Variants in PLAA observed in about 807,000 individuals in gnomAD.
PLAA encodes the protein phospholipase A2 activating protein.
In PLAA, 48 loss-of-function variants were observed where a neutral mutation model predicts 84.1. The ratio of observed to expected loss-of-function variants is 0.57; its 90% confidence interval spans 0.45 to 0.73. The LOEUF (loss-of-function observed/expected upper bound fraction) is 0.73. Among genes scored for constraint, PLAA ranks in the 30% least tolerant of loss-of-function variants. The pLI is 0.00. For missense variants in PLAA, 903 were observed against 954.7 expected, an observed-to-expected ratio of 0.95 and a Z score of 0.71; for synonymous variants, 392 against 336.6, an observed-to-expected ratio of 1.16 and a Z score of -1.80.
intron 6 of PLAA, among the ~76,000 whole-genome samples, chr9:26,923,955 G>A (rs1563912481): frequency 6.6e-6 from 1 of 152,136 alleles, no homozygotes; most frequent in African/African-American, 2.4e-5. Context: ...CCATTCTACA[G>A]GAAACCTGTT....
chr9:26,924,227 C>A (rs1242692654), intron 6 of PLAA, among the ~76,000 whole-genome samples: 1 of 152,050 alleles, frequency 6.6e-6, no homozygotes, highest in Admixed American at 6.6e-5. Flanking sequence ...AATTCCCGGG[C>A]CCAAGCAATC....
chr9:26,946,089 G>T (rs1008308666), intron 1 of PLAA, among the ~76,000 whole-genome samples: 9 of 152,086 alleles, frequency 5.9e-5, no homozygotes, highest in African/African-American at 1.2e-4. Context: ...ATTTATGGAT[G>T]GTGACTCAAA....
rs1278980099 is a variant in PLAA, at chr9:26,904,309, T to C, written c.*1202A>G. ...GAATGTTGCTATTTCTGGCAACGTC[T>C]TTATGAAAAGATCTTTCCCACTTTT... On this transcript the variant is annotated 3_prime_UTR_variant, in exon 14 of 14. Coordinates refer to ENST00000397292, the MANE Select transcript of PLAA (RefSeq NM_001031689.3). The C allele has an allele frequency of 2.0e-5, 3 of 152,168 alleles. No homozygotes were observed. The highest frequency in any genetic ancestry group is 7.2e-5 in the African/African-American group (3 of 41,462). The allele number at this position is 152,168 out of a possible 1,614,324, so 9.4% of individuals were successfully genotyped here. A position where few individuals can be genotyped will look rare whatever the true frequency, so the allele number is the denominator to read the frequency against.
At chr9:26,915,756 G>A (rs1824530472) in intron 10 of PLAA, 2 of 985,086 alleles carry the variant, frequency 2.0e-6, no homozygotes, top group Non-Finnish European at 2.4e-6. Context: ...CTGACATTAT[G>A]GAACAGTGAG....
At chr9:26,913,015 G>C (rs941989133) in intron 11 of PLAA, among the ~76,000 whole-genome samples, 1 of 152,100 alleles carries the variant, frequency 6.6e-6, no homozygotes, top group South Asian at 2.1e-4. Context: ...GTGAGCCCAG[G>C]AGTTTGAGCC....
chr9:26,921,284 A>G (rs1173251265), intron 7 of PLAA, among the ~76,000 whole-genome samples: 1 of 152,202 alleles, frequency 6.6e-6, no homozygotes, highest in African/African-American at 2.4e-5. Context: ...GGAGACAGCT[A>G]TCCATCCTCC....
At chr9:26,923,381 T>C (rs1278921258) in intron 6 of PLAA, 34 bp from the exon 7 acceptor site, 24 of 1,462,174 alleles carry the variant, frequency 1.6e-5, no homozygotes, top group East Asian at 2.3e-5. Context: ...TTAGAAGTCA[T>C]TGCCATAATA....
At chr9:26,926,958 C>G (rs1824989092) in intron 4 of PLAA, among the ~76,000 whole-genome samples, 1 of 151,728 alleles carries the variant, frequency 6.6e-6, no homozygotes, top group African/African-American at 2.4e-5. Flanking sequence ...AAAACATTCT[C>G]TGAAGCTTGT....
chr9:26,932,676 T>C, intron 2 of PLAA, among the ~76,000 whole-genome samples: 1 of 152,164 alleles, frequency 6.6e-6, no homozygotes, highest in East Asian at 1.9e-4. Flanking sequence ...TATCAGAAAT[T>C]TTAAAATGAT....
At chr9:26,916,814 T>A in intron 10 of PLAA, 1 of 353,060 alleles carries the variant, frequency 2.8e-6, no homozygotes, top group Non-Finnish European at 4.3e-6. Context: ...TGTCTGACTC[T>A]AAAACCTATA....
intron 10 of PLAA, chr9:26,915,776 G>C: frequency 3.0e-6 from 3 of 985,198 alleles, no homozygotes; most frequent in Non-Finnish European, 3.6e-6. Context: ...GATATGCTCT[G>C]GTTATAATGG....
chr9:26,936,721 GA>G (rs67342013), intron 1 of PLAA, among the ~76,000 whole-genome samples: 32,899 of 152,050 alleles, frequency 0.22, 4,192 homozygotes, highest in Admixed American at 0.28. Flanking sequence ...TCTGTTCTCT[GA>G]TCACTGATTG....
At chr9:26,945,052 C>T (rs1221045095) in intron 1 of PLAA, among the ~76,000 whole-genome samples, 1 of 151,968 alleles carries the variant, frequency 6.6e-6, no homozygotes, top group Non-Finnish European at 1.5e-5. Flanking sequence ...GCTTGAACCC[C>T]GGAGGCGGAG....
At chr9:26,926,649 G>A (rs1430693315) in intron 4 of PLAA, 89 bp from the exon 5 acceptor site, 1 of 855,516 alleles carries the variant, frequency 1.2e-6, no homozygotes, top group East Asian at 2.6e-5. Flanking sequence ...AAACATATCA[G>A]TGAGTAGTAA....
In PLAA at chr9:26,911,213, C is replaced by T. The variant is rs149247864; in HGVS notation, c.1556-774G>A. ...TGTTGCCCAGGCTGGAGTACAGTGGCGTAATCTCGGCTCACTGCAATCTCC... is the reference window on the plus strand; with the variant it reads ...TGTTGCCCAGGCTGGAGTACAGTGGTGTAATCTCGGCTCACTGCAATCTCC... On this transcript the variant is annotated intron_variant, in intron 11 of 13. Transcript: ENST00000397292. Among the ~76,000 whole-genome samples the T allele has an allele frequency of 1.6e-3, 236 of 152,166 alleles. 1 individual carries two copies. The highest frequency in any genetic ancestry group is 5.4e-3 in the African/African-American group (225 of 41,510).
At position 26,920,224 on chromosome 9, in the gene PLAA, T is replaced by C; in HGVS notation, c.1197+3A>G. 1 of 1,612,044 alleles carries C rather than the reference T, an allele frequency of 6.2e-7. No homozygotes were observed. The highest frequency in any genetic ancestry group is 8.5e-7 in the Non-Finnish European group (1 of 1,178,300). Reference sequence around the variant, plus strand: ...AGTAATTAGAAAGTAGAAGTCGACATACTTTCCCTTCATATAAAACTTTTC... The same window carrying C: ...AGTAATTAGAAAGTAGAAGTCGACACACTTTCCCTTCATATAAAACTTTTC... On this transcript the variant is annotated splice_donor_region_variant and intron_variant, in intron 8 of 13. Transcript: ENST00000397292.
In PLAA at chr9:26,947,001, C is replaced by T; in HGVS notation, c.45G>A (p.Arg15=). 6.3e-7 allele frequency: 1 copy of T among 1,594,332 alleles called. No individual in the cohort carries two copies. Among genetic ancestry groups the T allele is most frequent in the African/African-American group, 1.3e-5 (1 of 74,642 alleles). ...ATRYRLSCSL[R]GHELDVRGLV... ...GGCCCCGTACGTCCAGCTCGTGGCCCCGGAGCGAGCAGCTCAGCCGGTACC... is the reference window on the plus strand; with the variant it reads ...GGCCCCGTACGTCCAGCTCGTGGCCTCGGAGCGAGCAGCTCAGCCGGTACC... The change falls in exon 1 of 14, where the codon CGG becomes CGA. Residue 15 remains arginine (R), a synonymous_variant. Coordinates refer to ENST00000397292, the MANE Select transcript of PLAA (RefSeq NM_001031689.3).
chr9:26,915,587 A>G (rs968869184), intron 10 of PLAA: 4 of 592,340 alleles, frequency 6.8e-6, no homozygotes, highest in Non-Finnish European at 6.4e-6. Context: ...TTTGCTTAAC[A>G]CTTACACATA....
At chr9:26,919,597 A>G in intron 8 of PLAA, 68 bp from the exon 9 acceptor site, 2 of 832,692 alleles carry the variant, frequency 2.4e-6, no homozygotes, top group South Asian at 3.2e-5. Flanking sequence ...GACATATACA[A>G]CATAACACAG....
Sources: gnomAD v4.1 joint callset for allele counts (sites outside exome capture counted in the v4.1 genomes callset) on GRCh38, gnomAD v4.1.1 for gene constraint, MANE v1.5 for transcripts, NCBI Gene and HGNC (gene_info 2026-07-23, HGNC 2026-07-21) for gene names.